PTPRK: variants seen among roughly 807,000 people sequenced by gnomAD.
PTPRK encodes the protein receptor-type tyrosine-protein phosphatase kappa.
In PTPRK, 75 loss-of-function variants were observed where a neutral mutation model predicts 178.0. That is an observed-to-expected ratio of 0.42 (90% confidence interval 0.35 to 0.51). The LOEUF is 0.51. Among genes scored for constraint, PTPRK ranks in the 20% least tolerant of loss-of-function variants. The pLI is 0.02. For missense variants in PTPRK, 1,441 were observed against 1,797.8 expected (o/e 0.80, Z 3.59); for synonymous variants, 637 against 620.6 (o/e 1.03, Z -0.39).
chr6:127,977,317 T>C (rs80239086), intron 25 of PTPRK, among the ~76,000 whole-genome samples: 6,157 of 152,286 alleles, frequency 0.04, 408 homozygotes, highest in African/African-American at 0.14. Flanking sequence ...TTTACTTTAC[T>C]GAAAGACGTA....
chr6:128,125,461 A>G (rs1238755781), intron 7 of PTPRK, among the ~76,000 whole-genome samples: 2 of 152,158 alleles, frequency 1.3e-5, no homozygotes, highest in East Asian at 3.9e-4. Context: ...GGCCTCCCCA[A>G]AAGCAGAAGC....
intron 13 of PTPRK, among the ~76,000 whole-genome samples, chr6:128,019,745 G>A (rs1582538873): frequency 6.6e-6 from 1 of 152,092 alleles, no homozygotes; most frequent in East Asian, 1.9e-4. Flanking sequence ...GTGTTGTCTA[G>A]TAAACAATAG....
intron 1 of PTPRK, among the ~76,000 whole-genome samples, chr6:128,426,683 G>T (rs1844181223): frequency 6.6e-6 from 1 of 152,092 alleles, no homozygotes; most frequent in Admixed American, 6.5e-5. Flanking sequence ...TGAACATCTG[G>T]TCACTTATCT....
chr6:128,163,596 C>T (rs968662620), intron 7 of PTPRK, among the ~76,000 whole-genome samples: 25 of 151,316 alleles, frequency 1.7e-4, no homozygotes, highest in Non-Finnish European at 1.5e-5. Context: ...ATTTTTTATG[C>T]TATGGATCCC....
chr6:128,085,528 T>C (rs186980659), intron 8 of PTPRK, among the ~76,000 whole-genome samples: 1 of 152,234 alleles, frequency 6.6e-6, no homozygotes, highest in Non-Finnish European at 1.5e-5. Flanking sequence ...TTTGATGGCA[T>C]TGTAATTATA....
intron 13 of PTPRK, among the ~76,000 whole-genome samples, chr6:128,028,904 A>G (rs73773991): frequency 0.02 from 3,082 of 152,246 alleles, 97 homozygotes; most frequent in African/African-American, 0.071. Context: ...CTACTCCCCA[A>G]TTCTGTTCCT....
rs1316072463 is a variant in PTPRK, at chr6:128,308,253, T to C, written c.495+13786A>G. 2.0e-5 allele frequency among the ~76,000 whole-genome samples: 3 copies of C among 151,920 alleles called. No homozygotes were observed. In the East Asian group the frequency reaches 5.8e-4, roughly 29 times the overall value. On this transcript the variant is annotated intron_variant, in intron 3 of 29. Coordinates refer to ENST00000368226, the MANE Select transcript of PTPRK (RefSeq NM_002844.4). ...ATTAAAGAAAAAAGAAACAAAATGA[T>C]GAACAAAAAATTCAAAATACTACAT...
intron 3 of PTPRK, among the ~76,000 whole-genome samples, chr6:128,319,749 A>G (rs1321796704): frequency 6.6e-6 from 1 of 152,146 alleles, no homozygotes; most frequent in Admixed American, 6.6e-5. Flanking sequence ...TGTATGGGAG[A>G]TTTAATGTTT....
intron 1 of PTPRK, among the ~76,000 whole-genome samples, chr6:128,432,830 T>C (rs550415191): frequency 1.3e-5 from 2 of 152,260 alleles, no homozygotes; most frequent in East Asian, 3.9e-4. Flanking sequence ...TTAATTTTTA[T>C]TCGGTATTTT....
In PTPRK at chr6:128,081,434, G is replaced by A. The variant is rs187513502; in HGVS notation, c.1777+1003C>T. Among the ~76,000 whole-genome samples the A allele has an allele frequency of 1.8e-3, 266 of 151,678 alleles. 1 individual carries two copies. Among genetic ancestry groups the A allele is most frequent in the Middle Eastern group, 7.0e-3 (2 of 286 alleles). ...TTAAAGTTTGTATTATACTCAACAC[G>A]TTTGCAAGTAACATTTTAGACTCAA... On this transcript the variant is annotated intron_variant, in intron 10 of 29. Coordinates refer to ENST00000368226, the MANE Select transcript of PTPRK (RefSeq NM_002844.4).
chr6:128,121,951 A>G (rs570619905), intron 7 of PTPRK, among the ~76,000 whole-genome samples: 1 of 152,206 alleles, frequency 6.6e-6, no homozygotes, highest in East Asian at 1.9e-4. Flanking sequence ...ATGTTTCTCT[A>G]GTGTTCAGAG....
intron 6 of PTPRK, among the ~76,000 whole-genome samples, chr6:128,206,223 T>C (rs1255161127): frequency 6.6e-6 from 1 of 151,732 alleles, no homozygotes; most frequent in African/African-American, 2.4e-5. Flanking sequence ...AATATTATTA[T>C]TTAAAGTGAC....
chr6:127,990,968 T>TCA, intron 20 of PTPRK, 83 bp from the exon 21 acceptor site: 1 of 789,650 alleles, frequency 1.3e-6, no homozygotes, highest in Non-Finnish European at 2.0e-6. Context: ...CAATAACTCC[T>TCA]TGTCACAATT....
chr6:128,099,141 C>A (rs1427270052), intron 7 of PTPRK, among the ~76,000 whole-genome samples: 2 of 150,816 alleles, frequency 1.3e-5, no homozygotes, highest in African/African-American at 4.9e-5. Flanking sequence ...GTTGGAATTT[C>A]TTTACTCTTG....
intron 3 of PTPRK, among the ~76,000 whole-genome samples, chr6:128,247,050 T>C (rs1390053963): frequency 2.0e-5 from 3 of 152,220 alleles, no homozygotes; most frequent in Admixed American, 6.5e-5. Context: ...AAGCCTGGGA[T>C]CTACTATCAC....
At chr6:128,093,773 A>G (rs371876266) in intron 7 of PTPRK, among the ~76,000 whole-genome samples, 12 of 151,966 alleles carry the variant, frequency 7.9e-5, no homozygotes, top group African/African-American at 2.9e-4. Flanking sequence ...TTTTATTACT[A>G]TATACAGTGT....
chr6:128,134,986 T>C (rs1794800119), intron 7 of PTPRK, among the ~76,000 whole-genome samples: 1 of 151,552 alleles, frequency 6.6e-6, no homozygotes, highest in Non-Finnish European at 1.5e-5. Context: ...GATTGCAACA[T>C]CCACTATTGC....
chr6:127,983,090 C>T lies in PTPRK; in HGVS notation c.3388-110G>A. On this transcript the variant is annotated intron_variant, in intron 23 of 29. Transcript: ENST00000368226. Reference sequence around the variant, plus strand: ...CTCTATATGGAAATATGAATTAAAACACCAATATTTTTCTATATGACTCAG... The same window carrying T: ...CTCTATATGGAAATATGAATTAAAATACCAATATTTTTCTATATGACTCAG... 1.4e-5 allele frequency: 18 copies of T among 1,325,408 alleles called. No homozygotes were observed. The South Asian group carries it at 2.5e-4, about 18-fold the overall frequency. 82.1% of individuals were successfully genotyped at this position (1,325,408 alleles called of 1,614,324 possible).
At position 128,301,268 on chromosome 6, in the gene PTPRK, AAAT is replaced by A. The variant is rs201820964; in HGVS notation, c.495+20768_495+20770del. Among the ~76,000 whole-genome samples the A allele has an allele frequency of 1.3e-3, 204 of 152,276 alleles. 5 individuals are homozygous for A. In the East Asian group the frequency reaches 0.029, roughly 22 times the overall value. On this transcript the variant is annotated intron_variant, in intron 3 of 29. Transcript: ENST00000368226. ...CTTTTAATACAATTCATTTTTCCCA[AAAT>A]AATGTTTTTACTCATACATTATTTT...
Sources: gnomAD v4.1 joint callset for allele counts (sites outside exome capture counted in the v4.1 genomes callset) on GRCh38, gnomAD v4.1.1 for gene constraint, MANE v1.5 for transcripts, NCBI Gene and HGNC (gene_info 2026-07-23, HGNC 2026-07-21) for gene names.